The following UBE2E2 variants were observed in gnomAD, a reference collection of about 807,000 sequenced individuals.
UBE2E2 encodes the protein ubiquitin-conjugating enzyme E2 E2.
A neutral mutation model predicts 24.7 loss-of-function variants in UBE2E2; 6 were observed. The observed-to-expected ratio is 0.24, with a 90% CI of 0.13 to 0.48. The LOEUF is 0.48. Ranked by LOEUF, UBE2E2 falls within the 20% of genes least tolerant of loss-of-function variation. The probability of loss-of-function intolerance (pLI) is 0.99; values close to 1 mark genes in which losing one functional copy is unlikely to be tolerated. For synonymous variants in UBE2E2, 104 were observed against 83.6 expected (o/e 1.24, Z -1.33); for missense variants, 169 against 245.0 (o/e 0.69, Z 2.07).
At chr3:23,521,642 G>A (rs528500240) in intron 4 of UBE2E2, among the ~76,000 whole-genome samples, 26 of 152,262 alleles carry the variant, frequency 1.7e-4, no homozygotes, top group South Asian at 1.5e-3. Flanking sequence ...CATCCAATCC[G>A]GGCCCAGGAT....
intron 3 of UBE2E2, among the ~76,000 whole-genome samples, chr3:23,356,341 C>T (rs997280792): frequency 1.3e-5 from 2 of 152,178 alleles, no homozygotes; most frequent in African/African-American, 4.8e-5. Flanking sequence ...ACAAATATTT[C>T]ATGCTATTTC....
chr3:23,270,336 T>C (rs1471281028), intron 3 of UBE2E2, among the ~76,000 whole-genome samples: 10 of 152,090 alleles, frequency 6.6e-5, no homozygotes, highest in South Asian at 2.1e-4. Context: ...TGTGCTGCGA[T>C]GGTGTATTTT....
chr3:23,246,478 G>A (rs1190995607), intron 3 of UBE2E2, among the ~76,000 whole-genome samples: 9 of 141,274 alleles, frequency 6.4e-5, no homozygotes, highest in African/African-American at 5.3e-5. Context: ...CTCATGATCC[G>A]CCCACCTCAG....
At chr3:23,464,017 T>A (rs1439911977) in intron 3 of UBE2E2, among the ~76,000 whole-genome samples, 1 of 152,184 alleles carries the variant, frequency 6.6e-6, no homozygotes, top group Non-Finnish European at 1.5e-5. Flanking sequence ...CATATCCCTG[T>A]TGTGGCTGTT....
At chr3:23,386,197 C>T (rs1247177125) in intron 3 of UBE2E2, among the ~76,000 whole-genome samples, 6 of 152,152 alleles carry the variant, frequency 3.9e-5, no homozygotes, top group Non-Finnish European at 7.4e-5. Flanking sequence ...ATTTCTTTCT[C>T]ATTTTTCTGG....
chr3:23,312,209 C>T (rs1694424555), intron 3 of UBE2E2, among the ~76,000 whole-genome samples: 2 of 152,178 alleles, frequency 1.3e-5, no homozygotes, highest in Admixed American at 6.6e-5. Context: ...CCTGTACAGC[C>T]TGCAGAACCA....
chr3:23,261,558 T>A (rs1255566024), intron 3 of UBE2E2, among the ~76,000 whole-genome samples: 1 of 152,168 alleles, frequency 6.6e-6, no homozygotes, highest in African/African-American at 2.4e-5. Context: ...ATGCTGTACA[T>A]TAGATTTCCA....
intron 5 of UBE2E2, among the ~76,000 whole-genome samples, chr3:23,562,385 G>A (rs2125505546): frequency 6.6e-6 from 1 of 152,250 alleles, no homozygotes; most frequent in South Asian, 2.1e-4. Context: ...TGATTTTCAT[G>A]TGTTGAACCA....
At position 23,520,719 on chromosome 3, in the gene UBE2E2, T is replaced by A. The variant is rs114471486; in HGVS notation, c.361-11835T>A. Reference sequence around the variant, plus strand: ...AGTATATGGTGTAATCATAGCTCACTACAGCCTCATATTCCTGGGCACAAG... The same window carrying A: ...AGTATATGGTGTAATCATAGCTCACAACAGCCTCATATTCCTGGGCACAAG... On this transcript the variant is annotated intron_variant, in intron 4 of 5. Transcript: ENST00000396703. Among the ~76,000 whole-genome samples, 129 of 152,344 alleles carry A rather than the reference T, an allele frequency of 8.5e-4. 2 individuals are homozygous for A. The highest frequency in any genetic ancestry group is 2.9e-3 in the African/African-American group (122 of 41,578).
intron 5 of UBE2E2, among the ~76,000 whole-genome samples, chr3:23,571,895 A>G (rs1696240856): frequency 6.6e-6 from 1 of 152,170 alleles, no homozygotes; most frequent in Non-Finnish European, 1.5e-5. Context: ...TACACTCCCA[A>G]GGTAGTAGCT....
intron 3 of UBE2E2, among the ~76,000 whole-genome samples, chr3:23,276,877 A>G (rs1034207003): frequency 5.9e-5 from 9 of 152,152 alleles, no homozygotes; most frequent in Non-Finnish European, 1.2e-4. Context: ...TTTTCATAGT[A>G]TTAATATTTT....
intron 3 of UBE2E2, among the ~76,000 whole-genome samples, chr3:23,350,966 A>C (rs1695730156): frequency 6.6e-6 from 1 of 152,212 alleles, no homozygotes. Flanking sequence ...GAAGGAAAAA[A>C]TGTTAAGGGC....
intron 3 of UBE2E2, among the ~76,000 whole-genome samples, chr3:23,243,541 C>T (rs1697310632): frequency 6.6e-6 from 1 of 152,016 alleles, no homozygotes; most frequent in Non-Finnish European, 1.5e-5. Context: ...AACATATATT[C>T]GTTTTAGATT....
chr3:23,380,716 G>C (rs1696647619), intron 3 of UBE2E2, among the ~76,000 whole-genome samples: 1 of 152,266 alleles, frequency 6.6e-6, no homozygotes, highest in Admixed American at 6.5e-5. Context: ...CAGTGACTTT[G>C]ATCTGGCTGG....
In UBE2E2 at chr3:23,444,498, A is replaced by C. The variant is rs74875747; in HGVS notation, c.228-55110A>C. On this transcript the variant is annotated intron_variant, in intron 3 of 5. Transcript: ENST00000396703. ...AGAACCTCTACCTTAGTAGAGATGA[A>C]AGTAGGATGGGTAGAAAACACAAGT... Among the ~76,000 whole-genome samples the C allele has an allele frequency of 8.0e-3, 1,220 of 152,318 alleles. 21 individuals are homozygous for C. The highest frequency in any genetic ancestry group is 0.027 in the African/African-American group (1,137 of 41,574).
chr3:23,395,881 T>C (rs1697061129), intron 3 of UBE2E2, among the ~76,000 whole-genome samples: 1 of 152,182 alleles, frequency 6.6e-6, no homozygotes, highest in Non-Finnish European at 1.5e-5. Context: ...TCAATTTGAT[T>C]ATAGCTTCAC....
intron 3 of UBE2E2, among the ~76,000 whole-genome samples, chr3:23,249,244 C>A (rs1697504757): frequency 1.3e-5 from 2 of 150,390 alleles, no homozygotes; most frequent in South Asian, 4.2e-4. Flanking sequence ...CACACCCCAG[C>A]CTGGGCAACA....
At chr3:23,336,017 G>C (rs1376043322) in intron 3 of UBE2E2, among the ~76,000 whole-genome samples, 1 of 152,136 alleles carries the variant, frequency 6.6e-6, no homozygotes, top group East Asian at 1.9e-4. Context: ...AGTGATTAAA[G>C]TAAGATTATT....
intron 5 of UBE2E2, among the ~76,000 whole-genome samples, chr3:23,579,891 T>A (rs1170279480): frequency 2.6e-5 from 4 of 152,112 alleles, no homozygotes; most frequent in Non-Finnish European, 4.4e-5. Flanking sequence ...TTTGAACAAG[T>A]TGATTCCAAC....
Sources: allele counts gnomAD v4.1 joint callset (sites outside exome capture counted in the v4.1 genomes callset), GRCh38; gene constraint gnomAD v4.1.1; transcripts MANE v1.5; gene names NCBI Gene and HGNC (gene_info 2026-07-23, HGNC 2026-07-21).